Variants in ADAM32 observed in about 807,000 individuals in gnomAD.
ADAM32 encodes ADAM metallopeptidase domain 32, also known as disintegrin and metalloproteinase domain-containing protein 32.
Under a neutral mutation model 114.9 loss-of-function variants are expected in ADAM32, and 89 were observed. The ratio of observed to expected loss-of-function variants is 0.77; its 90% CI spans 0.65 to 0.92. The LOEUF (loss-of-function observed/expected upper bound fraction) is 0.92, where lower values mean the gene tolerates loss of function less well. Among genes scored for constraint, ADAM32 ranks in the 40% least tolerant of loss-of-function variants. The probability of loss-of-function intolerance (pLI) is 0.00; values close to 1 mark genes in which losing one functional copy is unlikely to be tolerated. For synonymous variants in ADAM32, 285 were observed against 307.5 expected (o/e 0.93, Z 0.77); for missense variants, 870 against 932.8 (o/e 0.93, Z 0.88).
At chr8:39,267,443 C>T (rs991314178) in intron 19 of ADAM32, among the ~76,000 whole-genome samples, 5 of 152,150 alleles carry the variant, frequency 3.3e-5, no homozygotes, top group African/African-American at 1.2e-4. Context: ...CTGAGAACTA[C>T]TCAGCTGTAT....
At chr8:39,214,190 T>G (rs1316105643) in intron 12 of ADAM32, among the ~76,000 whole-genome samples, 1 of 152,172 alleles carries the variant, frequency 6.6e-6, no homozygotes, top group Non-Finnish European at 1.5e-5. Flanking sequence ...TCCATTCTTT[T>G]GGGTACATAC....
chr8:39,224,713 A>C lies in ADAM32; in HGVS notation c.1525+1475A>C, dbSNP rs182464009. On this transcript the variant is annotated intron_variant, in intron 14 of 24. Coordinates refer to ENST00000379907, the MANE Select transcript of ADAM32 (RefSeq NM_145004.7). The stretch of plus-strand genomic sequence containing the variant: ...ATTTTATAAAAGTTGGCTTTTCACT[A>C]TGTTGATTTTTTCCTTTGTTGTGCA... Among the ~76,000 whole-genome samples the C allele has an allele frequency of 1.9e-3, 289 of 152,156 alleles. 1 individual carries two copies. The highest frequency in any genetic ancestry group is 5.9e-3 in the African/African-American group (243 of 41,508).
rs113157641 is a variant in ADAM32, at chr8:39,109,209, T to C, written c.58+1376T>C. Among the ~76,000 whole-genome samples, 446 of 152,262 alleles carry C rather than the reference T, an allele frequency of 2.9e-3. 3 individuals are homozygous for C. The highest frequency in any genetic ancestry group is 0.01 in the African/African-American group (426 of 41,544). On this transcript the variant is annotated intron_variant, in intron 1 of 24. Coordinates refer to ENST00000379907, the MANE Select transcript of ADAM32 (RefSeq NM_145004.7). The stretch of plus-strand genomic sequence containing the variant: ...TATCGATGTTTAACATATTAGAAAT[T>C]AAAATAGAAATGTAAGAATGTGTAT...
Position 39,239,660 on chromosome 8 carries a change from G to A in ADAM32, c.1818+5578G>A, listed in dbSNP as rs568810611. Among the ~76,000 whole-genome samples the A allele has an allele frequency of 1.5e-4, 23 of 152,208 alleles. No individual in the cohort carries two copies. In the South Asian group the frequency reaches 4.8e-3, roughly 32 times the overall value. On this transcript the variant is annotated intron_variant, in intron 16 of 24. Transcript: ENST00000379907. Reference sequence around the variant, plus strand: ...GAATGTATAATAATTCACCAAACAGGTATCTGCTGTCTTTAAAAGACTCAC... The same window carrying A: ...GAATGTATAATAATTCACCAAACAGATATCTGCTGTCTTTAAAAGACTCAC...
In ADAM32 at chr8:39,232,112, C is replaced by T. The variant is rs747369210; in HGVS notation, c.1611C>T (p.Asn537=). Residue 537 remains asparagine, a synonymous_variant, in exon 15 of 25, where the codon AAC becomes AAT. Transcript: ENST00000379907. ...RFGNCGRDRN[N]KYVFCGWRNL... ...GGAACTGTGGTAGGGATAGAAATAA[C>T]AAATATGTGTTCTGTGGATGGAGGT... The T allele has an allele frequency of 1.2e-6, 2 of 1,605,750 alleles. No individual in the cohort carries two copies. The highest frequency in any genetic ancestry group is 1.7e-6 in the Non-Finnish European group (2 of 1,173,268).
chr8:39,129,117 T>A (rs930119586), intron 2 of ADAM32, among the ~76,000 whole-genome samples: 1 of 94,680 alleles, frequency 1.1e-5, no homozygotes, highest in Non-Finnish European at 2.1e-5. Context: ...GTTCTCGTTT[T>A]TTTTTGTCTT....
intron 19 of ADAM32, among the ~76,000 whole-genome samples, chr8:39,268,763 A>G (rs908678625): frequency 2.6e-5 from 4 of 152,196 alleles, no homozygotes; most frequent in African/African-American, 4.8e-5. Context: ...GAATTTTTGT[A>G]TATGTTAAGA....
intron 19 of ADAM32, among the ~76,000 whole-genome samples, chr8:39,262,390 T>C (rs1027516519): frequency 4.6e-5 from 7 of 152,236 alleles, no homozygotes; most frequent in Non-Finnish European, 1.0e-4. Flanking sequence ...TACTCTATTC[T>C]GTTCCATTAG....
intron 17 of ADAM32, among the ~76,000 whole-genome samples, chr8:39,250,228 G>A (rs531477876): frequency 6.7e-6 from 1 of 150,034 alleles, no homozygotes; most frequent in African/African-American, 2.4e-5. Flanking sequence ...CATTTTTTTA[G>A]TTGTCCCACA....
intron 10 of ADAM32, among the ~76,000 whole-genome samples, chr8:39,170,516 T>C (rs958125215): frequency 2.6e-5 from 4 of 152,150 alleles, no homozygotes; most frequent in Admixed American, 6.5e-5. Flanking sequence ...AGTTGATGCA[T>C]CTCTTTGTGC....
At chr8:39,284,543 A>G (rs1041854509) in intron 24 of ADAM32, among the ~76,000 whole-genome samples, 2 of 151,826 alleles carry the variant, frequency 1.3e-5, no homozygotes, top group Non-Finnish European at 3.0e-5. Context: ...ATATGAAAAA[A>G]TTTTAATTTT....
intron 11 of ADAM32, among the ~76,000 whole-genome samples, chr8:39,193,602 C>T (rs942745847): frequency 2.0e-5 from 3 of 152,222 alleles, no homozygotes; most frequent in Middle Eastern, 3.4e-3. Context: ...CGAGTTCTTC[C>T]GCTGGTTCTT....
At chr8:39,136,314 A>G (rs1802800179) in intron 2 of ADAM32, among the ~76,000 whole-genome samples, 1 of 152,216 alleles carries the variant, frequency 6.6e-6, no homozygotes, top group South Asian at 2.1e-4. Context: ...AGCTTCACTG[A>G]TGTAGAATAT....
At chr8:39,172,367 T>C (rs1311115161) in intron 10 of ADAM32, among the ~76,000 whole-genome samples, 1 of 152,190 alleles carries the variant, frequency 6.6e-6, no homozygotes, top group Non-Finnish European at 1.5e-5. Context: ...ATATGCAGGA[T>C]GTGTAGGTTT....
At chr8:39,195,689 A>G (rs1806936953) in intron 11 of ADAM32, among the ~76,000 whole-genome samples, 1 of 152,132 alleles carries the variant, frequency 6.6e-6, no homozygotes, top group African/African-American at 2.4e-5. Context: ...CTTGGTATCT[A>G]TGAAGAAAAT....
At chr8:39,199,318 T>C (rs1015637663) in intron 11 of ADAM32, among the ~76,000 whole-genome samples, 1 of 152,212 alleles carries the variant, frequency 6.6e-6, no homozygotes, top group African/African-American at 2.4e-5. Flanking sequence ...TTTACGTCTC[T>C]TCTCCTTCTA....
At chr8:39,231,903 C>T (rs1809757067) in intron 14 of ADAM32, 124 bp from the exon 15 acceptor site, 4 of 781,912 alleles carry the variant, frequency 5.1e-6, no homozygotes, top group Non-Finnish European at 6.2e-6. Context: ...TCCTTACAAC[C>T]TCACTAGGAA....
intron 19 of ADAM32, among the ~76,000 whole-genome samples, chr8:39,263,218 G>T (rs1172347627): frequency 1.3e-5 from 2 of 152,114 alleles, no homozygotes; most frequent in Non-Finnish European, 2.9e-5. Context: ...GGTTATATGG[G>T]TATGGAACTT....
chr8:39,196,833 C>T (rs1437242393), intron 11 of ADAM32, among the ~76,000 whole-genome samples: 1 of 151,908 alleles, frequency 6.6e-6, no homozygotes. Flanking sequence ...ATTTTCCTAT[C>T]AGGGTAATGC....
Sources: allele counts gnomAD v4.1 joint callset (sites outside exome capture counted in the v4.1 genomes callset), GRCh38; gene constraint gnomAD v4.1.1; transcripts MANE v1.5; gene names NCBI Gene and HGNC (gene_info 2026-07-23, HGNC 2026-07-21).